Variants in SULF1 observed in about 807,000 individuals in gnomAD.
SULF1 encodes the protein sulfatase 1, also known as extracellular sulfatase Sulf-1.
Under a neutral mutation model 110.5 loss-of-function variants are expected in SULF1, and 46 were observed. That is an observed-to-expected ratio of 0.42 (90% confidence interval 0.33 to 0.53). The LOEUF (loss-of-function observed/expected upper bound fraction) is 0.53. SULF1 is among the 20% of genes least tolerant of loss of function. SULF1 has a pLI of 0.12. For missense variants in SULF1, 941 were observed against 1,094.2 expected, an observed-to-expected ratio of 0.86 and a Z score of 1.98; for synonymous variants, 371 against 387.1, an observed-to-expected ratio of 0.96 and a Z score of 0.49.
At chr8:69,553,325 A>T (rs779080307) in intron 3 of SULF1, among the ~76,000 whole-genome samples, 1 of 152,236 alleles carries the variant, frequency 6.6e-6, no homozygotes, top group Non-Finnish European at 1.5e-5. Flanking sequence ...GGCCAGACGC[A>T]TGTCAAATCC....
chr8:69,627,381 G>A, intron 16 of SULF1, 75 bp downstream of exon 16: 1 of 1,066,968 alleles, frequency 9.4e-7, no homozygotes, highest in Non-Finnish European at 1.4e-6. Context: ...GTGTCTGGTG[G>A]GACATACCAC....
chr8:69,583,004 T>C (rs1441791538), intron 6 of SULF1, among the ~76,000 whole-genome samples: 1 of 152,182 alleles, frequency 6.6e-6, no homozygotes, highest in South Asian at 2.1e-4. Context: ...TGTGAGACCC[T>C]TTGACACTTT....
At chr8:69,482,771 G>A (rs976986090) in intron 1 of SULF1, among the ~76,000 whole-genome samples, 6 of 152,046 alleles carry the variant, frequency 3.9e-5, no homozygotes, top group African/African-American at 1.4e-4. Context: ...GGAAAATTAA[G>A]TAATTTGTAT....
intron 1 of SULF1, among the ~76,000 whole-genome samples, chr8:69,484,142 T>C (rs532863003): frequency 6.6e-6 from 1 of 152,338 alleles, no homozygotes; most frequent in African/African-American, 2.4e-5. Flanking sequence ...TTTTCCTTTT[T>C]TTCCTTTAAG....
chr8:69,625,708 G>A (rs1478322072), intron 15 of SULF1, among the ~76,000 whole-genome samples: 5 of 152,168 alleles, frequency 3.3e-5, no homozygotes, highest in Admixed American at 1.3e-4. Context: ...TCATAAAAGC[G>A]GCGTGGACCC....
Position 69,621,269 on chromosome 8 carries a change from G to A in SULF1, c.1594+18G>A. On this transcript the variant is annotated intron_variant, in intron 14 of 22. Coordinates refer to ENST00000402687, the MANE Select transcript of SULF1 (RefSeq NM_001128205.2). ...GACTCCAAGTAAGCCACGCTTTTGTGACCATCTCAATGGTGGCCTAGGCCT... is the reference window on the plus strand; with the variant it reads ...GACTCCAAGTAAGCCACGCTTTTGTAACCATCTCAATGGTGGCCTAGGCCT... 12 of 1,599,698 alleles carry A rather than the reference G, an allele frequency of 7.5e-6. No homozygotes were observed. The highest frequency in any genetic ancestry group is 8.5e-6 in the Non-Finnish European group (10 of 1,170,596).
intron 19 of SULF1, among the ~76,000 whole-genome samples, chr8:69,631,852 G>A (rs968803105): frequency 8.5e-5 from 13 of 152,302 alleles, no homozygotes; most frequent in South Asian, 6.2e-4. Flanking sequence ...ACTAGGGTCC[G>A]CCCATTTGAT....
At chr8:69,573,413 G>T (rs1805382792) in intron 5 of SULF1, among the ~76,000 whole-genome samples, 1 of 152,158 alleles carries the variant, frequency 6.6e-6, no homozygotes, top group Admixed American at 6.5e-5. Flanking sequence ...TTCTACCTCG[G>T]TCCCATATTT....
chr8:69,502,519 G>A (rs1385011577), intron 3 of SULF1, among the ~76,000 whole-genome samples: 1 of 152,156 alleles, frequency 6.6e-6, no homozygotes, highest in African/African-American at 2.4e-5. Context: ...GGGTTCATAT[G>A]AGGGTACAAC....
chr8:69,554,081 T>G (rs1220520353), intron 3 of SULF1, among the ~76,000 whole-genome samples: 1 of 152,224 alleles, frequency 6.6e-6, no homozygotes, highest in Non-Finnish European at 1.5e-5. Flanking sequence ...CTTTCATGAA[T>G]GGCTGGCTTT....
At chr8:69,610,030 A>G (rs1808521120) in intron 13 of SULF1, among the ~76,000 whole-genome samples, 1 of 152,234 alleles carries the variant, frequency 6.6e-6, no homozygotes, top group South Asian at 2.1e-4. Flanking sequence ...AATACACTTT[A>G]CATATTATCT....
At chr8:69,567,003 G>T (rs1815928737) in intron 5 of SULF1, among the ~76,000 whole-genome samples, 1 of 152,182 alleles carries the variant, frequency 6.6e-6, no homozygotes, top group African/African-American at 2.4e-5. Context: ...ACCTGTATTA[G>T]ATCTGAGTCT....
At chr8:69,586,622 T>G (rs1806484179) in intron 7 of SULF1, 114 bp downstream of exon 7, 2 of 1,163,644 alleles carry the variant, frequency 1.7e-6, no homozygotes, top group African/African-American at 1.6e-5. Flanking sequence ...CTCACAATGT[T>G]AGCATGAGAA....
At chr8:69,543,426 A>G (rs1302691505) in intron 3 of SULF1, among the ~76,000 whole-genome samples, 2 of 140,714 alleles carry the variant, frequency 1.4e-5, no homozygotes, top group African/African-American at 5.4e-5. Context: ...CCCTGTATCC[A>G]TGTGTTCTCA....
chr8:69,597,785 CAAT>C (rs1254199296), intron 8 of SULF1, among the ~76,000 whole-genome samples: 1 of 152,132 alleles, frequency 6.6e-6, no homozygotes, highest in Non-Finnish European at 1.5e-5. Context: ...ACATCAAAGG[CAAT>C]AAGTAGAGGA....
chr8:69,603,373 GGT>G lies in SULF1; in HGVS notation c.1190+55_1190+56del. On this transcript the variant is annotated intron_variant, in intron 11 of 22. Coordinates refer to ENST00000402687, the MANE Select transcript of SULF1 (RefSeq NM_001128205.2). ...GCCCCAAATACACTGAGCTCCAGCT[GGT>G]GCCCAGAGCCAGCCAGCAGCTGAAG... 3 of 1,611,794 alleles carry G rather than the reference GGT, an allele frequency of 1.9e-6. No homozygotes were observed. In the South Asian group the frequency reaches 3.3e-5, roughly 18 times the overall value.
At chr8:69,470,831 A>C (rs945439672) in intron 1 of SULF1, among the ~76,000 whole-genome samples, 1 of 152,264 alleles carries the variant, frequency 6.6e-6, no homozygotes, top group East Asian at 1.9e-4. Context: ...AAATCCCCAC[A>C]ACCTCAGAAG....
rs1322472310 is a variant in SULF1 at position 69,660,489 on chromosome 8, AC to A, written c.*1957del. ...AGGATTACCTCACTGAGTCATCAGT[AC>A]CCTCCTATTCAGCTCCCCAAGATGA... is the stretch of plus-strand genomic sequence containing the variant. On this transcript the variant is annotated 3_prime_UTR_variant, in exon 23 of 23. Coordinates refer to ENST00000402687, the MANE Select transcript of SULF1 (RefSeq NM_001128205.2). The A allele has an allele frequency of 1.3e-5, 2 of 152,594 alleles. No homozygotes were observed. Among genetic ancestry groups the A allele is most frequent in the South Asian group, 2.1e-4 (1 of 4,832 alleles). 9.5% of individuals were successfully genotyped at this position (152,594 alleles called of 1,614,324 possible). A position where few individuals can be genotyped will look rare whatever the true frequency, so the allele number is the denominator to read the frequency against.
At position 69,534,833 on chromosome 8, in the gene SULF1, G is replaced by A. The variant is rs556124188; in HGVS notation, c.-133-28706G>A. On this transcript the variant is annotated intron_variant, in intron 3 of 22. Coordinates refer to ENST00000402687, the MANE Select transcript of SULF1 (RefSeq NM_001128205.2). ...TATAAGAACTGCCCTAAACATAGAC[G>A]TCATCATTCATAATGAATTAATACT... is the stretch of plus-strand genomic sequence containing the variant. 2.9e-4 allele frequency among the ~76,000 whole-genome samples: 43 copies of A among 150,854 alleles called. No homozygotes were observed. In the South Asian group the frequency reaches 8.2e-3, roughly 29 times the overall value.
Sources: gnomAD v4.1 joint callset for allele counts (sites outside exome capture counted in the v4.1 genomes callset) on GRCh38, gnomAD v4.1.1 for gene constraint, MANE v1.5 for transcripts, NCBI Gene and HGNC (gene_info 2026-07-23, HGNC 2026-07-21) for gene names.